Variants in ADGRL3 observed in about 807,000 individuals in gnomAD.
ADGRL3 encodes calcium-independent alpha-latrotoxin receptor 3.
In ADGRL3, 62 loss-of-function variants were observed where a neutral mutation model predicts 153.5. The ratio of observed to expected loss-of-function variants is 0.40; its 90% CI spans 0.33 to 0.50. The LOEUF is 0.50. Ranked by LOEUF, ADGRL3 falls within the 20% of genes least tolerant of loss-of-function variation. The pLI is 0.47. For synonymous variants in ADGRL3, 710 were observed against 672.5 expected (o/e 1.06, Z -0.86); for missense variants, 1,641 against 1,859.4 (o/e 0.88, Z 2.16).
intron 2 of ADGRL3, among the ~76,000 whole-genome samples, chr4:61,464,283 TA>T (rs1158623240): frequency 1.3e-5 from 2 of 152,166 alleles, no homozygotes; most frequent in Non-Finnish European, 2.9e-5. Flanking sequence ...CAGAACTGAC[TA>T]TAGTTTTTAA....
chr4:61,415,793 G>A (rs949653090), intron 2 of ADGRL3, among the ~76,000 whole-genome samples: 5 of 151,504 alleles, frequency 3.3e-5, no homozygotes, highest in African/African-American at 9.7e-5. Flanking sequence ...TATATTGTCA[G>A]CTTTTTAGAT....
At chr4:61,754,288 G>A (rs2096793516) in intron 8 of ADGRL3, among the ~76,000 whole-genome samples, 1 of 151,854 alleles carries the variant, frequency 6.6e-6, no homozygotes, top group Non-Finnish European at 1.5e-5. Flanking sequence ...TATTTATATT[G>A]CCTTGAAAAT....
intron 2 of ADGRL3, among the ~76,000 whole-genome samples, chr4:61,477,147 C>T (rs1232664768): frequency 1.2e-4 from 19 of 152,028 alleles, no homozygotes; most frequent in Admixed American, 1.2e-3. Flanking sequence ...TTAATTTCAG[C>T]CATAGTTTGA....
chr4:61,844,912 T>C (rs886458538), intron 9 of ADGRL3, among the ~76,000 whole-genome samples: 2 of 152,002 alleles, frequency 1.3e-5, no homozygotes, highest in African/African-American at 4.8e-5. Flanking sequence ...TCTTCACATG[T>C]CAGTTAAAAA....
chr4:61,638,196 T>C (rs192184746), intron 5 of ADGRL3, among the ~76,000 whole-genome samples: 5 of 152,262 alleles, frequency 3.3e-5, no homozygotes, highest in Admixed American at 2.6e-4. Flanking sequence ...CAATAGAAGA[T>C]TGTTCACCAA....
chr4:61,786,038 A>AT (rs545557787), intron 8 of ADGRL3, among the ~76,000 whole-genome samples: 250 of 152,170 alleles, frequency 1.6e-3, no homozygotes, highest in Non-Finnish European at 2.2e-3. Context: ...GACAATAGAG[A>AT]TTTTTTTATG....
At chr4:61,896,745 G>A (rs999326324) in intron 11 of ADGRL3, among the ~76,000 whole-genome samples, 9 of 151,980 alleles carry the variant, frequency 5.9e-5, no homozygotes, top group African/African-American at 1.2e-4. Flanking sequence ...ATGCATCTCC[G>A]TACTTGTTGC....
chr4:61,741,945 A>G (rs1303684010), intron 8 of ADGRL3, among the ~76,000 whole-genome samples: 1 of 152,254 alleles, frequency 6.6e-6, no homozygotes, highest in Non-Finnish European at 1.5e-5. Flanking sequence ...ATAAAGAAAG[A>G]TGACTTATTT....
intron 6 of ADGRL3, among the ~76,000 whole-genome samples, chr4:61,711,080 T>C (rs1043647420): frequency 2.0e-5 from 3 of 152,092 alleles, no homozygotes; most frequent in Admixed American, 6.5e-5. Flanking sequence ...CCATGAAAGT[T>C]ACCAAGAGTT....
chr4:62,042,720 T>C lies in ADGRL3; in HGVS notation c.3718-1733T>C, dbSNP rs183758266. On this transcript the variant is annotated intron_variant, in intron 24 of 26. Transcript: ENST00000683033. ...CCCTAGACAAGGACATATCCCTTAATATATGGTAAAAATAAATGGTATAAT... is the reference window on the plus strand; with the variant it reads ...CCCTAGACAAGGACATATCCCTTAACATATGGTAAAAATAAATGGTATAAT... 1.3e-3 allele frequency among the ~76,000 whole-genome samples: 195 copies of C among 152,210 alleles called. 2 individuals carry two copies. The South Asian group carries it at 0.014, about 11-fold the overall frequency.
At chr4:61,622,012 G>A (rs971188260) in intron 5 of ADGRL3, among the ~76,000 whole-genome samples, 1 of 152,122 alleles carries the variant, frequency 6.6e-6, no homozygotes, top group African/African-American at 2.4e-5. Flanking sequence ...GAGCCTGCCT[G>A]CATGTCGGTA....
Position 61,497,163 on chromosome 4 carries a change from A to T in ADGRL3, c.-131A>T. On this transcript the variant is annotated 5_prime_UTR_variant, in exon 3 of 27. Transcript: ENST00000683033. ...TTGGTGTTTCTGTTTTGGAGAAATT[A>T]TTCTTTTTCTTTTTAATTTGAAGAA... The T allele has an allele frequency of 4.9e-6, 3 of 608,926 alleles. No individual in the cohort carries two copies. Among genetic ancestry groups the T allele is most frequent in the Non-Finnish European group, 8.5e-6 (3 of 354,296 alleles). 37.7% of individuals were successfully genotyped at this position (608,926 alleles called of 1,614,324 possible). A position where few individuals can be genotyped will look rare whatever the true frequency, so the allele number is the denominator to read the frequency against.
At chr4:61,369,944 T>G (rs1324587321) in intron 1 of ADGRL3, among the ~76,000 whole-genome samples, 1 of 152,116 alleles carries the variant, frequency 6.6e-6, no homozygotes, top group Non-Finnish European at 1.5e-5. Flanking sequence ...AACTTCTTCC[T>G]GGTTTAGTCT....
chr4:61,688,492 G>A (rs1468594687), intron 6 of ADGRL3, among the ~76,000 whole-genome samples: 1 of 152,064 alleles, frequency 6.6e-6, no homozygotes, highest in Non-Finnish European at 1.5e-5. Flanking sequence ...AATTTACAGA[G>A]TTTCTGTGAA....
intron 6 of ADGRL3, among the ~76,000 whole-genome samples, chr4:61,694,298 A>AAGTATCG (rs1216818658): frequency 6.9e-6 from 1 of 145,342 alleles, no homozygotes. Context: ...TGGCCTTTCA[A>AAGTATCG]AGTATCGGGA....
intron 5 of ADGRL3, among the ~76,000 whole-genome samples, chr4:61,610,963 T>C (rs1263697109): frequency 2.0e-5 from 3 of 151,948 alleles, no homozygotes; most frequent in Admixed American, 6.6e-5. Flanking sequence ...AGAGAAAATA[T>C]TGTCTTTCTT....
intron 12 of ADGRL3, among the ~76,000 whole-genome samples, chr4:61,910,514 A>G (rs1448460512): frequency 1.3e-5 from 2 of 151,126 alleles, no homozygotes; most frequent in Admixed American, 1.3e-4. Context: ...TATTTATTTA[A>G]CAAAATATCA....
chr4:61,954,830 AT>A, intron 17 of ADGRL3, among the ~76,000 whole-genome samples: 1 of 152,200 alleles, frequency 6.6e-6, no homozygotes, highest in East Asian at 1.9e-4. Flanking sequence ...CCTATTTAAA[AT>A]TTTAGATTGC....
At chr4:61,549,450 T>C (rs1490226530) in intron 4 of ADGRL3, among the ~76,000 whole-genome samples, 5 of 151,910 alleles carry the variant, frequency 3.3e-5, no homozygotes, top group Non-Finnish European at 5.9e-5. Flanking sequence ...AATTATTTTG[T>C]CTGCTTAGAT....
Sources: gnomAD v4.1 joint callset for allele counts (sites outside exome capture counted in the v4.1 genomes callset) on GRCh38, gnomAD v4.1.1 for gene constraint, MANE v1.5 for transcripts, NCBI Gene and HGNC (gene_info 2026-07-23, HGNC 2026-07-21) for gene names.